TSNARE1: variants seen among roughly 807,000 people sequenced by gnomAD.
The protein encoded by TSNARE1 is t-SNARE domain containing 1.
In TSNARE1, 49 loss-of-function variants were observed where a neutral mutation model predicts 62.0. The observed-to-expected ratio is 0.79, with a 90% CI of 0.63 to 1.00. TSNARE1 has a LOEUF of 1.00. TSNARE1 is among the 50% of genes least tolerant of loss of function. The pLI is 0.00. For synonymous variants in TSNARE1, 328 were observed against 294.4 expected (o/e 1.11, Z -1.17); for missense variants, 755 against 700.1 (o/e 1.08, Z -0.88).
rs755837427 is a variant in TSNARE1, at chr8:142,344,184, T to G, written c.527A>C (p.Tyr176Ser). Residue 176 changes from tyrosine to serine, a missense_variant, in exon 4 of 14, where the codon TAC becomes TCC. By Grantham distance (144) the Tyr-to-Ser change is moderately radical. Transcript: ENST00000524325. ...RILQAVNALG[Y>S]CRRDVVDLKH... Reference sequence around the variant, plus strand: ...CAGGTCCACAACGTCGCGGCGACAGTAGCCCAGCGCATTCACGGCCTGCAG... The same window carrying G: ...CAGGTCCACAACGTCGCGGCGACAGGAGCCCAGCGCATTCACGGCCTGCAG... 1.2e-5 allele frequency: 19 copies of G among 1,613,338 alleles called. No homozygotes were observed. Among genetic ancestry groups the G allele is most frequent in the Admixed American group, 1.7e-5 (1 of 60,002 alleles).
intron 9 of TSNARE1, among the ~76,000 whole-genome samples, chr8:142,301,960 G>A (rs1408374083): frequency 2.0e-5 from 3 of 152,210 alleles, no homozygotes; most frequent in Non-Finnish European, 4.4e-5. Flanking sequence ...AGGACAAGGC[G>A]ACAGCGGTGG....
chr8:142,292,842 C>T (rs1235770628), intron 10 of TSNARE1, among the ~76,000 whole-genome samples: 1 of 152,120 alleles, frequency 6.6e-6, no homozygotes, highest in African/African-American at 2.4e-5. Context: ...CCAACGCGGG[C>T]AGAACACATT....
chr8:142,230,767 A>ACCATCCAT (rs71313213), intron 12 of TSNARE1, among the ~76,000 whole-genome samples: 1 of 148,586 alleles, frequency 6.7e-6, no homozygotes, highest in African/African-American at 2.5e-5. Flanking sequence ...CATTAATGCA[A>ACCATCCAT]CCATCCATCC....
intron 5 of TSNARE1, 88 bp downstream of exon 5, chr8:142,331,666 A>T: frequency 2.3e-6 from 3 of 1,296,106 alleles, no homozygotes; most frequent in South Asian, 1.3e-5. Flanking sequence ...TGAGGGGGGA[A>T]GCCATCCAGC....
chr8:142,359,259 G>A (rs539013579), intron 1 of TSNARE1, among the ~76,000 whole-genome samples: 108 of 152,190 alleles, frequency 7.1e-4, no homozygotes, highest in Non-Finnish European at 1.3e-3. Context: ...ACGTCAGGCC[G>A]AGCAACGCCA....
intron 12 of TSNARE1, among the ~76,000 whole-genome samples, chr8:142,244,964 C>T (rs1180853034): frequency 1.4e-4 from 21 of 152,340 alleles, no homozygotes; most frequent in Middle Eastern, 3.4e-3. Flanking sequence ...TGTGTGCAGA[C>T]GCTGCACCAT....
At chr8:142,275,443 C>A (rs1820309590) in intron 11 of TSNARE1, 1 of 985,178 alleles carries the variant, frequency 1.0e-6, no homozygotes, top group African/African-American at 1.7e-5. Context: ...TGCAGCAGTG[C>A]CACCCAGGGA....
At chr8:142,382,487 G>A (rs1196178647) in intron 1 of TSNARE1, among the ~76,000 whole-genome samples, 1 of 152,172 alleles carries the variant, frequency 6.6e-6, no homozygotes, top group Non-Finnish European at 1.5e-5. Flanking sequence ...ACAGCAAGAT[G>A]CCAGCGCCTG....
intron 9 of TSNARE1, among the ~76,000 whole-genome samples, chr8:142,303,729 T>A (rs922270366): frequency 4.6e-5 from 7 of 152,246 alleles, no homozygotes; most frequent in African/African-American, 1.7e-4. Context: ...GAGGGCTGTA[T>A]GCTGGTATGA....
intron 11 of TSNARE1, chr8:142,276,911 T>C: frequency 2.0e-6 from 2 of 985,384 alleles, no homozygotes; most frequent in Non-Finnish European, 2.4e-6. Flanking sequence ...AACATCTCCC[T>C]CAGCGCCCAG....
intron 1 of TSNARE1, among the ~76,000 whole-genome samples, chr8:142,379,942 C>G (rs565472676): frequency 6.6e-6 from 1 of 152,164 alleles, no homozygotes; most frequent in Non-Finnish European, 1.5e-5. Context: ...TCCCCAGGGT[C>G]TGAAGGGCCT....
intron 12 of TSNARE1, chr8:142,270,251 G>C (rs1031101899): frequency 9.1e-6 from 9 of 985,404 alleles, no homozygotes; most frequent in Non-Finnish European, 1.1e-5. Flanking sequence ...GGAGGTAATG[G>C]AGGAAGAAGG....
At chr8:142,279,091 G>A (rs1563812589) in intron 11 of TSNARE1, among the ~76,000 whole-genome samples, 1 of 152,220 alleles carries the variant, frequency 6.6e-6, no homozygotes, top group South Asian at 2.1e-4. Context: ...GAGAGCGGAG[G>A]GAAGCCCTCC....
intron 1 of TSNARE1, among the ~76,000 whole-genome samples, chr8:142,365,326 G>A (rs1449008279): frequency 3.9e-5 from 6 of 152,212 alleles, no homozygotes; most frequent in African/African-American, 1.2e-4. Context: ...GAAATAAAAG[G>A]AGGCTAAAGA....
At chr8:142,288,293 G>A (rs868511898) in intron 10 of TSNARE1, among the ~76,000 whole-genome samples, 2 of 152,194 alleles carry the variant, frequency 1.3e-5, no homozygotes, top group African/African-American at 4.8e-5. Context: ...GTGCACACAC[G>A]GCCACTGCAC....
chr8:142,402,222 A>G (rs1838344500), intron 1 of TSNARE1, among the ~76,000 whole-genome samples: 2 of 152,076 alleles, frequency 1.3e-5, no homozygotes, highest in Non-Finnish European at 2.9e-5. Context: ...GCACCGGCGG[A>G]GCAGCACGCG....
intron 1 of TSNARE1, among the ~76,000 whole-genome samples, chr8:142,401,019 A>G (rs1838251031): frequency 6.6e-6 from 1 of 152,146 alleles, no homozygotes; most frequent in Non-Finnish European, 1.5e-5. Flanking sequence ...GGAAGGATGC[A>G]CCCACGCCGT....
At chr8:142,330,580 T>C (rs1478885263) in intron 6 of TSNARE1, among the ~76,000 whole-genome samples, 2 of 152,252 alleles carry the variant, frequency 1.3e-5, no homozygotes, top group Non-Finnish European at 2.9e-5. Flanking sequence ...TGGAGCATGT[T>C]GGCAGGGAAA....
chr8:142,278,849 C>T, intron 11 of TSNARE1: 3 of 966,508 alleles, frequency 3.1e-6, no homozygotes, highest in Non-Finnish European at 3.7e-6. Flanking sequence ...CCACTGCAGG[C>T]CAGAGTGAGG....
Sources: allele counts gnomAD v4.1 joint callset (sites outside exome capture counted in the v4.1 genomes callset), GRCh38; gene constraint gnomAD v4.1.1; transcripts MANE v1.5; gene names NCBI Gene and HGNC (gene_info 2026-07-23, HGNC 2026-07-21).